The following PLK4 variants were observed in gnomAD, a reference collection of about 807,000 sequenced individuals.
The protein encoded by PLK4 is polo like kinase 4.
In PLK4, 51 loss-of-function variants were observed where a neutral mutation model predicts 103.0. The ratio of observed to expected loss-of-function variants is 0.50; its 90% CI spans 0.40 to 0.63. The LOEUF (loss-of-function observed/expected upper bound fraction) is 0.63. PLK4 is among the 20% of genes least tolerant of loss of function. The pLI is 0.00. For synonymous variants in PLK4, 389 were observed against 376.8 expected, an observed-to-expected ratio of 1.03 and a Z score of -0.38; for missense variants, 1,054 against 1,151.0, an observed-to-expected ratio of 0.92 and a Z score of 1.22.
At position 127,896,837 on chromosome 4, in the gene PLK4, G is replaced by A; in HGVS notation, c.2740G>A (p.Gly914Arg). ...AGCTGTGTGGGTTCAGTTTAATGAT[G>A]GGTCCCAGTTGGTTGTGCAGGCAGG... ...SGAVWVQFND[G>R]SQLVVQAGVS... The change falls in exon 15 of 16, where the codon GGG becomes AGG. Residue 914 changes from glycine (G) to arginine (R), a missense_variant. Physicochemically the swap from Gly to Arg is moderately radical, Grantham distance 125. This residue lies in a region of PLK4 where 167 missense variants were observed against 200.7 expected (regional missense o/e 0.83). Transcript: ENST00000270861. The A allele has an allele frequency of 6.2e-7, 1 of 1,610,178 alleles. No homozygotes were observed. The highest frequency in any genetic ancestry group is 8.5e-7 in the Non-Finnish European group (1 of 1,177,584).
At position 127,890,250 on chromosome 4, in the gene PLK4, C is replaced by G; in HGVS notation, c.1830+14C>G. On this transcript the variant is annotated intron_variant, in intron 7 of 15. Transcript: ENST00000270861. ...AAAAAGGCTGTGGTATGTCTGTTAT[C>G]TTCTTAAGTTACTAAATAACATTTT... The G allele has an allele frequency of 2.6e-6, 4 of 1,559,038 alleles. No individual in the cohort carries two copies. The highest frequency in any genetic ancestry group is 3.5e-6 in the Non-Finnish European group (4 of 1,153,522).
Position 127,891,604 on chromosome 4 carries a change from G to A in PLK4, c.1961G>A (p.Gly654Asp). The A allele has an allele frequency of 6.5e-7, 1 of 1,545,436 alleles. No individual in the cohort carries two copies. Among genetic ancestry groups the A allele is most frequent in the Non-Finnish European group, 8.8e-7 (1 of 1,137,046 alleles). ...NTITIYYPNG[G>D]RGFPLADRPP... ...ATCACTATTTATTATCCAAATGGTG[G>A]TAGAGGTTTTCCTCTTGCTGATAGA... Residue 654 changes from glycine to aspartate, a missense_variant, in exon 9 of 16, where the codon GGT (glycine) becomes GAT (aspartate). By Grantham distance (94) the Gly-to-Asp change is moderately conservative. This residue lies in a region of PLK4 where 680 missense variants were observed against 660.3 expected (regional missense o/e 1.03). Transcript: ENST00000270861.
chr4:127,892,791 T>C (rs1271700073), intron 10 of PLK4: 1 of 258,712 alleles, frequency 3.9e-6, no homozygotes, highest in African/African-American at 2.3e-5. Context: ...AAAAATCACA[T>C]GAAATGCGCA....
intron 8 of PLK4, 130 bp from the exon 9 acceptor site, chr4:127,891,449 C>A: frequency 2.2e-6 from 1 of 451,720 alleles, no homozygotes; most frequent in Non-Finnish European, 3.9e-6. Context: ...ATTACTTTTA[C>A]AGAATATTTA....
chr4:127,891,115 GGT>G lies in PLK4; in HGVS notation c.1862_1863del (p.Val621GlyfsTer20). 6.3e-7 allele frequency: 1 copy of G among 1,586,282 alleles called. No individual in the cohort carries two copies. The highest frequency in any genetic ancestry group is 8.6e-7 in the Non-Finnish European group (1 of 1,162,014). Reference protein sequence around the residue: ...AVVSILDSEEVCVELVKEYAS... With the variant: ...AVVSILDSEEXCVELVKEYAS... ...AGGTGAGCATACTTGATTCAGAGGA[GGT>G]GTGTGTGGAGCTTGTAAAGGAGTAT... On this transcript the variant is annotated frameshift_variant, in exon 8 of 16. Coordinates refer to ENST00000270861, the MANE Select transcript of PLK4 (RefSeq NM_014264.5). LOFTEE classifies it high-confidence loss of function.
At chr4:127,896,713 C>T in intron 14 of PLK4, 88 bp from the exon 15 acceptor site, 6 of 672,920 alleles carry the variant, frequency 8.9e-6, no homozygotes, top group Non-Finnish European at 1.6e-5. Flanking sequence ...AACCACAAAC[C>T]CTCTACTGTA....
intron 15 of PLK4, 146 bp from the exon 16 acceptor site, chr4:127,898,293 G>T (rs1033115704): frequency 4.3e-5 from 23 of 531,476 alleles, no homozygotes; most frequent in Non-Finnish European, 6.6e-5. Flanking sequence ...CTTGATTTAG[G>T]TATCTAATAA....
chr4:127,894,813 A>T (rs901279565), intron 13 of PLK4, 140 bp from the exon 14 acceptor site: 1 of 537,998 alleles, frequency 1.9e-6, no homozygotes, highest in African/African-American at 2.0e-5. Context: ...ATTTCCAATA[A>T]TGTGGTTATA....
At chr4:127,895,973 A>T (rs1165861097) in intron 14 of PLK4, among the ~76,000 whole-genome samples, 1 of 152,186 alleles carries the variant, frequency 6.6e-6, no homozygotes, top group African/African-American at 2.4e-5. Flanking sequence ...TGTGTATATT[A>T]TCTAAAATCT....
rs761773657 is a variant in PLK4 at position 127,889,890 on chromosome 4, A to G, written c.1484A>G (p.Tyr495Cys). The G allele has an allele frequency of 3.1e-5, 50 of 1,606,260 alleles. No individual in the cohort carries two copies. Among genetic ancestry groups the G allele is most frequent in the Admixed American group, 2.4e-4 (14 of 57,908 alleles). The change falls in exon 7 of 16, where the codon TAT (tyrosine) becomes TGT (cysteine). Residue 495 changes from tyrosine (Y) to cysteine (C), a missense_variant. Tyr to Cys is a radical substitution (Grantham distance 194, BLOSUM62 -2). Transcript: ENST00000270861. ...GCTCATTTAAGAAAAACTACTGAAT[A>G]TGACAGCATCAGCCCAAACCGGGAC... ...INAHLRKTTE[Y>C]DSISPNRDFQ...
rs546997446 is a variant in PLK4 at position 127,892,433 on chromosome 4, A to G, written c.2107A>G (p.Ile703Val). Residue 703 changes from isoleucine (I) to valine (V), a missense_variant, in exon 10 of 16, where the codon ATC becomes GTC. Ile to Val is a conservative substitution (Grantham distance 29, BLOSUM62 3). Transcript: ENST00000270861. ...VQLVRSKSPKITYFTRYAKCI... is the reference protein window; with the variant it reads ...VQLVRSKSPKVTYFTRYAKCI... ...GCTTGTAAGATCTAAATCTCCCAAA[A>G]TCACTTATTTTACAAGATATGCTAA... 1.9e-6 allele frequency: 3 copies of G among 1,588,768 alleles called. No individual in the cohort carries two copies. The African/African-American group carries it at 4.1e-5, about 22-fold the overall frequency.
intron 2 of PLK4, among the ~76,000 whole-genome samples, chr4:127,882,938 T>C (rs1734983044): frequency 1.3e-5 from 2 of 152,124 alleles, no homozygotes; most frequent in Non-Finnish European, 2.9e-5. Flanking sequence ...AAATCATTTA[T>C]CTAAACCACT....
At chr4:127,881,271 C>G in intron 1 of PLK4, 107 bp downstream of exon 1, 3 of 1,578,064 alleles carry the variant, frequency 1.9e-6, no homozygotes, top group Non-Finnish European at 2.6e-6. Flanking sequence ...GCGGGGCGGG[C>G]ACCGAGGTGC....
chr4:127,881,842 T>TGGAAATCTGCTTGGTAAA lies in PLK4; in HGVS notation c.46_63dup (p.Asn16_Gly21dup). 1 of 1,598,686 alleles carries TGGAAATCTGCTTGGTAAA rather than the reference T, an allele frequency of 6.3e-7. No homozygotes were observed. Among genetic ancestry groups the TGGAAATCTGCTTGGTAAA allele is most frequent in the African/African-American group, 1.3e-5 (1 of 74,706 alleles). The stretch of plus-strand genomic sequence containing the variant: ...TTTTAACTTTTAAGGATTTTAAAGT[T>TGGAAATCTGCTTGGTAAA]GGAAATCTGCTTGGTAAAGGATCAT... On this transcript the variant is annotated inframe_insertion, in exon 2 of 16. Coordinates refer to ENST00000270861, the MANE Select transcript of PLK4 (RefSeq NM_014264.5).
chr4:127,895,069 G>A lies in PLK4; in HGVS notation c.2679G>A (p.Val893=), dbSNP rs777854454. The change falls in exon 14 of 16, where the codon GTG becomes GTA. Residue 893 remains valine, a synonymous_variant. Coordinates refer to ENST00000270861, the MANE Select transcript of PLK4 (RefSeq NM_014264.5). ...KSAQLLKSVF[V]KNVGWATQLT... ...CACAACTTTTGAAATCTGTTTTTGT[G>A]AAAAATGTTGGTTGGGCTACACAGG... 3 of 1,611,602 alleles carry A rather than the reference G, an allele frequency of 1.9e-6. No homozygotes were observed. In the East Asian group the frequency reaches 6.7e-5, roughly 36 times the overall value.
rs75838189 is a variant in PLK4 at position 127,891,520 on chromosome 4, A to G, written c.1936-59A>G. The G allele has an allele frequency of 2.4e-5, 15 of 628,810 alleles. No homozygotes were observed. In the African/African-American group the frequency reaches 2.6e-4, roughly 11 times the overall value. 39.0% of individuals were successfully genotyped at this position (628,810 alleles called of 1,614,324 possible). A position where few individuals can be genotyped will look rare whatever the true frequency, so the allele number is the denominator to read the frequency against. ...TAAACACTTTGTATACGTTTTAGCA[A>G]GATATAGTACTGGAACTTAATGGCA... On this transcript the variant is annotated intron_variant, in intron 8 of 15. Transcript: ENST00000270861.
rs755640537 is a variant in PLK4, at chr4:127,893,697, A to G, written c.2415-37A>G. On this transcript the variant is annotated intron_variant, in intron 12 of 15. Coordinates refer to ENST00000270861, the MANE Select transcript of PLK4 (RefSeq NM_014264.5). ...ATTCTTTAGTTTTCTGTAAATTGAA[A>G]GCTTCAAGGGAATATATTTGGACTT... is the stretch of plus-strand genomic sequence containing the variant. The G allele has an allele frequency of 6.3e-6, 10 of 1,591,006 alleles. No individual in the cohort carries two copies. The Admixed American group carries it at 1.4e-4, about 23-fold the overall frequency.
Position 127,898,711 on chromosome 4 carries a change from G to C in PLK4, c.*170G>C, listed in dbSNP as rs896618553. Reference sequence around the variant, plus strand: ...GAGAGAACAAAGCAGAATGAAACTTGAGTCACTTACTAAATATAGTGGATA... The same window carrying C: ...GAGAGAACAAAGCAGAATGAAACTTCAGTCACTTACTAAATATAGTGGATA... On this transcript the variant is annotated 3_prime_UTR_variant, in exon 16 of 16. Coordinates refer to ENST00000270861, the MANE Select transcript of PLK4 (RefSeq NM_014264.5). 4.5e-5 allele frequency: 23 copies of C among 516,640 alleles called. No homozygotes were observed. The highest frequency in any genetic ancestry group is 7.5e-5 in the Non-Finnish European group (22 of 295,196). 32.0% of individuals were successfully genotyped at this position (516,640 alleles called of 1,614,324 possible). A position where few individuals can be genotyped will look rare whatever the true frequency, so the allele number is the denominator to read the frequency against.
At chr4:127,887,607 G>A in intron 6 of PLK4, 111 bp downstream of exon 6, 1 of 693,964 alleles carries the variant, frequency 1.4e-6, no homozygotes, top group Non-Finnish European at 2.5e-6. Flanking sequence ...GCTTGGTGCA[G>A]TAGCTCATGC....
Sources: allele counts gnomAD v4.1 joint callset (sites outside exome capture counted in the v4.1 genomes callset), GRCh38; gene constraint gnomAD v4.1.1; regional missense constraint gnomAD v4.1.1; transcripts MANE v1.5; gene names NCBI Gene and HGNC (gene_info 2026-07-23, HGNC 2026-07-21).